MGRN1: variants seen among roughly 807,000 people sequenced by gnomAD.
MGRN1 encodes E3 ubiquitin-protein ligase MGRN1.
In MGRN1, 29 loss-of-function variants were observed where a neutral mutation model predicts 69.2. The observed-to-expected ratio is 0.42, with a 90% CI of 0.31 to 0.57. The LOEUF (loss-of-function observed/expected upper bound fraction) is 0.57, where lower values mean the gene tolerates loss of function less well. Among genes scored for constraint, MGRN1 ranks in the 20% least tolerant of loss-of-function variants. MGRN1 has a pLI of 0.15. For missense variants in MGRN1, 998 were observed against 796.2 expected, an observed-to-expected ratio of 1.25 and a Z score of -3.05; for synonymous variants, 470 against 344.2, an observed-to-expected ratio of 1.37 and a Z score of -4.04.
intron 1 of MGRN1, among the ~76,000 whole-genome samples, chr16:4,635,331 C>G (rs1009418668): frequency 6.6e-6 from 1 of 152,160 alleles, no homozygotes; most frequent in Non-Finnish European, 1.5e-5. Flanking sequence ...GTGGGAGAAT[C>G]TCTTGAAACC....
chr16:4,667,923 G>C (rs948598012), intron 7 of MGRN1, among the ~76,000 whole-genome samples: 1 of 152,106 alleles, frequency 6.6e-6, no homozygotes, highest in Non-Finnish European at 1.5e-5. Flanking sequence ...TCGGTGTGCA[G>C]GAGGCCCTTG....
At chr16:4,683,382 A>G (rs181525306) in intron 15 of MGRN1, 113 bp downstream of exon 15, 4 of 1,298,580 alleles carry the variant, frequency 3.1e-6, no homozygotes, top group Non-Finnish European at 4.3e-6. Context: ...TGCCCCAGGA[A>G]CCCTCGGCCA....
chr16:4,643,608 G>A (rs1331813820), intron 1 of MGRN1, among the ~76,000 whole-genome samples: 4 of 151,954 alleles, frequency 2.6e-5, no homozygotes, highest in Admixed American at 1.3e-4. Context: ...TCCTGACCTC[G>A]TGATCCACCT....
chr16:4,659,566 G>A (rs2078629391), intron 5 of MGRN1, among the ~76,000 whole-genome samples: 1 of 152,240 alleles, frequency 6.6e-6, no homozygotes, highest in Admixed American at 6.5e-5. Flanking sequence ...CCCGGACTTG[G>A]CACTGGACCC....
intron 1 of MGRN1, 77 bp downstream of exon 1, chr16:4,625,125 CG>C (rs1257139255): frequency 7.6e-7 from 1 of 1,317,786 alleles, no homozygotes; most frequent in African/African-American, 1.6e-5. Flanking sequence ...GGCGGGGACT[CG>C]GGGCGGGGCG....
At chr16:4,638,966 C>T (rs192122144) in intron 1 of MGRN1, among the ~76,000 whole-genome samples, 1 of 152,158 alleles carries the variant, frequency 6.6e-6, no homozygotes, top group Non-Finnish European at 1.5e-5. Context: ...TGGCTTACTT[C>T]CCATGGCTGA....
chr16:4,643,345 C>CT (rs560913972), intron 1 of MGRN1, among the ~76,000 whole-genome samples: 66 of 152,008 alleles, frequency 4.3e-4, no homozygotes, highest in African/African-American at 1.3e-3. Context: ...AACCTCCCAC[C>CT]TTGGCCTCCC....
At chr16:4,625,168 A>G (rs1429063439) in intron 1 of MGRN1, 120 bp downstream of exon 1, 9 of 951,238 alleles carry the variant, frequency 9.5e-6, no homozygotes, top group Non-Finnish European at 1.0e-5. Context: ...CCTCGTTGCT[A>G]CCCCGAGCCT....
chr16:4,628,258 C>T (rs1235171040), intron 1 of MGRN1, among the ~76,000 whole-genome samples: 9 of 151,278 alleles, frequency 5.9e-5, no homozygotes, highest in Admixed American at 4.0e-4. Context: ...TGGTGGCAGG[C>T]GCTTGTAGTC....
chr16:4,674,676 C>G (rs2079017914), intron 10 of MGRN1, among the ~76,000 whole-genome samples: 1 of 129,566 alleles, frequency 7.7e-6, no homozygotes, highest in South Asian at 2.4e-4. Context: ...CTCTGTCGCC[C>G]AGGCTGGACT....
At chr16:4,681,370 T>C in intron 12 of MGRN1, 180 bp from the exon 13 acceptor site, 1 of 606,592 alleles carries the variant, frequency 1.6e-6, no homozygotes, top group African/African-American at 1.8e-5. Flanking sequence ...AGCCCCGTGC[T>C]GGAGCTGATG....
rs372871356 is a variant in MGRN1, at chr16:4,645,889, A to G, written c.89-4476A>G. 1.9e-3 allele frequency among the ~76,000 whole-genome samples: 290 copies of G among 152,308 alleles called. 2 individuals carry two copies. Among genetic ancestry groups the G allele is most frequent in the South Asian group, 5.6e-3 (27 of 4,828 alleles). Reference sequence around the variant, plus strand: ...GATGTGGGGAGGCTGGTGAATGGGCACAGTCACAGGGCAGATGGTGCCAGA... The same window carrying G: ...GATGTGGGGAGGCTGGTGAATGGGCGCAGTCACAGGGCAGATGGTGCCAGA... On this transcript the variant is annotated intron_variant, in intron 1 of 16. Coordinates refer to ENST00000262370, the MANE Select transcript of MGRN1 (RefSeq NM_015246.4).
chr16:4,658,351 C>T (rs904156283), intron 5 of MGRN1, among the ~76,000 whole-genome samples: 5 of 150,534 alleles, frequency 3.3e-5, no homozygotes, highest in South Asian at 2.1e-4. Flanking sequence ...CTGGCTAACA[C>T]GGTGAAACCC....
intron 5 of MGRN1, among the ~76,000 whole-genome samples, chr16:4,658,352 G>C (rs998538314): frequency 6.6e-6 from 1 of 150,784 alleles, no homozygotes; most frequent in African/African-American, 2.4e-5. Context: ...TGGCTAACAC[G>C]GTGAAACCCC....
Position 4,677,613 on chromosome 16 carries a change from G to A in MGRN1, c.1065+41G>A, listed in dbSNP as rs376383823. 1.5e-5 allele frequency: 24 copies of A among 1,577,580 alleles called. No individual in the cohort carries two copies. The Admixed American group carries it at 2.2e-4, about 14-fold the overall frequency. ...TGCCTGCGGGATGGGCGGGAGAGGGGCATGAGTGCCTGGGCCAGGCGCAAG... is the reference window on the plus strand; with the variant it reads ...TGCCTGCGGGATGGGCGGGAGAGGGACATGAGTGCCTGGGCCAGGCGCAAG... On this transcript the variant is annotated intron_variant, in intron 11 of 16. Transcript: ENST00000262370.
intron 10 of MGRN1, among the ~76,000 whole-genome samples, chr16:4,676,632 A>G (rs1232650001): frequency 6.6e-6 from 1 of 152,118 alleles, no homozygotes; most frequent in Non-Finnish European, 1.5e-5. Context: ...CTGACGGCAG[A>G]TGCATTGGTT....
At chr16:4,669,120 C>T (rs558582841) in intron 8 of MGRN1, 1 of 152,204 alleles carries the variant, frequency 6.6e-6, no homozygotes, top group East Asian at 1.9e-4. Flanking sequence ...CCTAGGCTAC[C>T]CTTGCTGCTG....
intron 1 of MGRN1, among the ~76,000 whole-genome samples, chr16:4,625,993 C>T (rs1376364597): frequency 2.0e-4 from 30 of 152,230 alleles, no homozygotes; most frequent in Admixed American, 2.0e-3. Flanking sequence ...TGAGTGTGGG[C>T]CAGGTCCACA....
intron 1 of MGRN1, among the ~76,000 whole-genome samples, chr16:4,625,884 A>AT (rs1215074041): frequency 6.6e-6 from 1 of 152,216 alleles, no homozygotes; most frequent in Non-Finnish European, 1.5e-5. Flanking sequence ...CTTGGGCATC[A>AT]TGGGGACATC....
Sources: gnomAD v4.1 joint callset for allele counts (sites outside exome capture counted in the v4.1 genomes callset) on GRCh38, gnomAD v4.1.1 for gene constraint, MANE v1.5 for transcripts, NCBI Gene and HGNC (gene_info 2026-07-23, HGNC 2026-07-21) for gene names.